Variants in SUPT3H observed in about 807,000 individuals in gnomAD.
SUPT3H encodes transcription initiation protein SPT3 homolog.
A neutral mutation model predicts 44.3 loss-of-function variants in SUPT3H; 44 were observed. That is an observed-to-expected ratio of 0.99 (90% CI 0.78 to 1.28). The LOEUF is 1.28. SUPT3H is among the 50% of genes most tolerant of loss of function. SUPT3H has a pLI of 0.00. For missense variants in SUPT3H, 380 were observed against 387.1 expected, an observed-to-expected ratio of 0.98 and a Z score of 0.15; for synonymous variants, 124 against 125.6, an observed-to-expected ratio of 0.99 and a Z score of 0.09.
chr6:45,096,099 G>A (rs1213060111), intron 3 of SUPT3H, among the ~76,000 whole-genome samples: 1 of 151,972 alleles, frequency 6.6e-6, no homozygotes, highest in African/African-American at 2.4e-5. Context: ...TATAACTACA[G>A]TAAAAAGTAA....
At chr6:44,986,786 A>G (rs1582911422) in intron 6 of SUPT3H, among the ~76,000 whole-genome samples, 1 of 152,132 alleles carries the variant, frequency 6.6e-6, no homozygotes. Flanking sequence ...TGCAGTGAAC[A>G]TAATAGATGA....
At chr6:44,821,783 A>C (rs1338762701), downstream of SUPT3H, among the ~76,000 whole-genome samples, 1 of 152,190 alleles carries the variant, frequency 6.6e-6, no homozygotes, top group African/African-American at 2.4e-5. Flanking sequence ...TCCACGTTAA[A>C]GCTGCCTGAA....
chr6:45,122,038 C>CA (rs11437930), intron 2 of SUPT3H, among the ~76,000 whole-genome samples: 77,809 of 147,364 alleles, frequency 0.53, 20,120 homozygotes, highest in East Asian at 0.71. Flanking sequence ...CATTTAAAAA[C>CA]AAAAAAAAAA....
chr6:45,342,494 C>T lies in SUPT3H; in HGVS notation c.101+22707G>A, dbSNP rs981993739. 3.9e-5 allele frequency among the ~76,000 whole-genome samples: 6 copies of T among 152,064 alleles called. No homozygotes were observed. In the East Asian group the frequency reaches 9.7e-4, roughly 25 times the overall value. ...CAGGATGGTCTCGATCTTCTGACCT[C>T]GTAATCCACCCGCCTTGGCCTCCCA... On this transcript the variant is annotated intron_variant, in intron 2 of 10. Transcript: ENST00000371459.
intron 2 of SUPT3H, among the ~76,000 whole-genome samples, chr6:45,198,160 C>CGATT (rs1816396355): frequency 6.6e-6 from 1 of 151,154 alleles, no homozygotes. Context: ...AAGAGCTGGT[C>CGATT]TAATCAATAT....
At chr6:45,197,675 T>C (rs770431531) in intron 2 of SUPT3H, 8 of 325,962 alleles carry the variant, frequency 2.5e-5, no homozygotes, top group Admixed American at 4.6e-5. Context: ...TTACATAAAA[T>C]AAGAAGATAA....
At position 45,020,610 on chromosome 6, in the gene SUPT3H, GAA is replaced by G. The variant is rs773497823; in HGVS notation, c.207_208del (p.Gln71AlafsTer10). ...GATTACCCTTGCTCCCCGCAGCTGA[GAA>G]ACTTCAGCAGCTTGCTGTAACTAAC... On this transcript the variant is annotated frameshift_variant, in exon 4 of 11. Coordinates refer to ENST00000371459, the MANE Select transcript of SUPT3H (RefSeq NM_003599.4). LOFTEE classifies it high-confidence loss of function. 1.2e-6 allele frequency: 2 copies of G among 1,610,858 alleles called. No homozygotes were observed. Among genetic ancestry groups the G allele is most frequent in the African/African-American group, 2.7e-5 (2 of 74,744 alleles).
intron 6 of SUPT3H, among the ~76,000 whole-genome samples, chr6:44,979,756 T>C (rs570154328): frequency 1.6e-4 from 25 of 152,302 alleles, no homozygotes; most frequent in African/African-American, 4.6e-4. Context: ...GTTCATTTCA[T>C]TGGCACAAAT....
chr6:45,002,682 C>T (rs1235956635), intron 6 of SUPT3H, among the ~76,000 whole-genome samples: 1 of 151,976 alleles, frequency 6.6e-6, no homozygotes, highest in East Asian at 1.9e-4. Context: ...ACCAAGATAA[C>T]CACACATTTC....
At chr6:45,226,843 A>T (rs544825702) in intron 2 of SUPT3H, among the ~76,000 whole-genome samples, 65 of 151,984 alleles carry the variant, frequency 4.3e-4, no homozygotes, top group South Asian at 1.0e-3. Flanking sequence ...AAAATATTTT[A>T]AAAAAACTAC....
chr6:45,022,876 T>C (rs762807744), intron 3 of SUPT3H, among the ~76,000 whole-genome samples: 1 of 152,100 alleles, frequency 6.6e-6, no homozygotes, highest in Non-Finnish European at 1.5e-5. Flanking sequence ...GCCCTCCTTA[T>C]AGAGGAGTTT....
At chr6:45,186,034 G>A (rs555932883) in intron 2 of SUPT3H, among the ~76,000 whole-genome samples, 1 of 152,310 alleles carries the variant, frequency 6.6e-6, no homozygotes, top group South Asian at 2.1e-4. Context: ...CAAACCAGAG[G>A]CAAACAGGAA....
chr6:44,928,667 G>A (rs968797391), intron 10 of SUPT3H, among the ~76,000 whole-genome samples: 4 of 151,326 alleles, frequency 2.6e-5, no homozygotes, highest in Non-Finnish European at 4.4e-5. Flanking sequence ...AGGCCGAGGC[G>A]GGCGGATCAC....
At chr6:45,021,698 A>G (rs996559581) in intron 3 of SUPT3H, among the ~76,000 whole-genome samples, 2 of 152,050 alleles carry the variant, frequency 1.3e-5, no homozygotes, top group African/African-American at 4.8e-5. Context: ...CTCAACAAAT[A>G]TATGAAATCA....
intron 2 of SUPT3H, among the ~76,000 whole-genome samples, chr6:45,282,748 C>T (rs1484563744): frequency 1.3e-5 from 2 of 152,136 alleles, no homozygotes; most frequent in Admixed American, 6.6e-5. Context: ...CACAAAGATA[C>T]TCCTCGAGAA....
chr6:44,865,901 T>C (rs1487919318), intron 10 of SUPT3H, among the ~76,000 whole-genome samples: 1 of 152,016 alleles, frequency 6.6e-6, no homozygotes, highest in Non-Finnish European at 1.5e-5. Context: ...GGACTCAAGA[T>C]GGGGGAGACC....
intron 2 of SUPT3H, among the ~76,000 whole-genome samples, chr6:45,308,797 TAAA>T (rs538056004): frequency 6.9e-6 from 1 of 145,832 alleles, no homozygotes; most frequent in Non-Finnish European, 1.5e-5. Context: ...AATTCTGAAT[TAAA>T]AAAAAAAAGG....
intron 6 of SUPT3H, among the ~76,000 whole-genome samples, chr6:44,998,614 G>A (rs1781584469): frequency 6.7e-6 from 1 of 150,258 alleles, no homozygotes; most frequent in Non-Finnish European, 1.5e-5. Context: ...TTTTTTAGTG[G>A]CAAAAACTGC....
chr6:44,820,788 T>C (rs1767248932), intron 11 of SUPT3H, among the ~76,000 whole-genome samples: 1 of 152,202 alleles, frequency 6.6e-6, no homozygotes, highest in Non-Finnish European at 1.5e-5. Context: ...GGATATGATG[T>C]GCTAGAGCAG....
Sources: gnomAD v4.1 joint callset for allele counts (sites outside exome capture counted in the v4.1 genomes callset) on GRCh38, gnomAD v4.1.1 for gene constraint, MANE v1.5 for transcripts, NCBI Gene and HGNC (gene_info 2026-07-23, HGNC 2026-07-21) for gene names.